PTPRM: variants seen among roughly 807,000 people sequenced by gnomAD.
The protein encoded by PTPRM is receptor-type tyrosine-protein phosphatase mu.
In PTPRM, 47 loss-of-function variants were observed where a neutral mutation model predicts 186.7. That is an observed-to-expected ratio of 0.25 (90% CI 0.20 to 0.32). PTPRM has a LOEUF of 0.32. Ranked by LOEUF, PTPRM falls within the 10% of genes least tolerant of loss-of-function variation. PTPRM has a pLI of 1.00. For missense variants in PTPRM, 1,494 were observed against 1,865.0 expected (o/e 0.80, Z 3.66); for synonymous variants, 668 against 674.9 (o/e 0.99, Z 0.16).
intron 14 of PTPRM, among the ~76,000 whole-genome samples, chr18:8,147,601 T>A (rs1428523807): frequency 6.6e-6 from 1 of 152,186 alleles, no homozygotes; most frequent in Non-Finnish European, 1.5e-5. Flanking sequence ...AAGAGATAAT[T>A]TGACTTCCTC....
At chr18:8,029,573 C>T (rs2085817946) in intron 7 of PTPRM, among the ~76,000 whole-genome samples, 1 of 152,206 alleles carries the variant, frequency 6.6e-6, no homozygotes, top group East Asian at 1.9e-4. Flanking sequence ...CCTCCCACAT[C>T]CCCACTAAGA....
chr18:8,155,592 C>A (rs909860357), intron 14 of PTPRM, among the ~76,000 whole-genome samples: 6 of 152,134 alleles, frequency 3.9e-5, no homozygotes, highest in Non-Finnish European at 8.8e-5. Context: ...GGCACCCATT[C>A]TATTATATTT....
chr18:7,719,180 T>C (rs990639587), intron 1 of PTPRM, among the ~76,000 whole-genome samples: 2 of 152,134 alleles, frequency 1.3e-5, no homozygotes, highest in Non-Finnish European at 2.9e-5. Context: ...ATAAAGAAAA[T>C]GTGCTATGTA....
At chr18:8,272,212 A>G (rs2094780992) in intron 19 of PTPRM, among the ~76,000 whole-genome samples, 1 of 151,122 alleles carries the variant, frequency 6.6e-6, no homozygotes, top group Non-Finnish European at 1.5e-5. Context: ...CCTCAATAAA[A>G]AAAAAAAAAA....
At chr18:7,772,169 G>T (rs1021663494) in intron 1 of PTPRM, among the ~76,000 whole-genome samples, 5 of 152,194 alleles carry the variant, frequency 3.3e-5, no homozygotes, top group African/African-American at 1.2e-4. Flanking sequence ...TTTGCCTGTT[G>T]CCTGGAGAAG....
At chr18:8,375,111 A>G (rs575792971) in intron 24 of PTPRM, among the ~76,000 whole-genome samples, 1 of 152,356 alleles carries the variant, frequency 6.6e-6, no homozygotes, top group Non-Finnish European at 1.5e-5. Flanking sequence ...TTAGAAAACA[A>G]AATTGACAGG....
chr18:7,766,764 C>G (rs1412227957), intron 1 of PTPRM, among the ~76,000 whole-genome samples: 1 of 152,126 alleles, frequency 6.6e-6, no homozygotes, highest in Non-Finnish European at 1.5e-5. Context: ...ACCTTCTTGC[C>G]CACTAGTACA....
intron 7 of PTPRM, among the ~76,000 whole-genome samples, chr18:8,057,187 G>T (rs183972532): frequency 6.6e-6 from 1 of 150,976 alleles, no homozygotes; most frequent in African/African-American, 2.4e-5. Flanking sequence ...AAGTAGGAAG[G>T]TGGCAAAATT....
intron 1 of PTPRM, chr18:7,751,246 C>A: frequency 6.6e-6 from 1 of 152,522 alleles, no homozygotes; most frequent in Non-Finnish European, 1.5e-5. Context: ...GTGAAACTGA[C>A]ATTTCTGCCT....
chr18:7,789,342 G>GATT lies in PTPRM; in HGVS notation c.196+15079_196+15081dup, dbSNP rs372488112. ...CCTGTCTTTAAATGATGATGATGATGATTATTATTAATATTGTCTTGGAGG... is the reference window on the plus strand; with the variant it reads ...CCTGTCTTTAAATGATGATGATGATGATTATTATTATTAATATTGTCTTGGAGG... On this transcript the variant is annotated intron_variant, in intron 2 of 32. Transcript: ENST00000580170. Among the ~76,000 whole-genome samples the GATT allele has an allele frequency of 5.3e-4, 81 of 151,932 alleles. 1 individual carries two copies. Among genetic ancestry groups the GATT allele is most frequent in the African/African-American group, 1.8e-3 (76 of 41,396 alleles).
chr18:7,948,167 A>G (rs888904104), intron 5 of PTPRM, among the ~76,000 whole-genome samples: 10 of 151,264 alleles, frequency 6.6e-5, no homozygotes, highest in Admixed American at 6.6e-5. Flanking sequence ...ACACACACAC[A>G]CACACACACA....
chr18:7,575,103 A>T (rs2036656799), intron 1 of PTPRM, among the ~76,000 whole-genome samples: 1 of 152,232 alleles, frequency 6.6e-6, no homozygotes, highest in South Asian at 2.1e-4. Context: ...GTATCCTAAA[A>T]TTGAGCCTAA....
intron 14 of PTPRM, among the ~76,000 whole-genome samples, chr18:8,204,203 T>G (rs767573675): frequency 1.1e-4 from 17 of 152,234 alleles, no homozygotes; most frequent in African/African-American, 3.1e-4. Flanking sequence ...ACACCTCTTC[T>G]GCTTGCAGTT....
At chr18:8,215,524 T>C (rs187785093) in intron 14 of PTPRM, among the ~76,000 whole-genome samples, 175 of 151,048 alleles carry the variant, frequency 1.2e-3, no homozygotes, top group African/African-American at 4.0e-3. Context: ...TAGTGCTTTT[T>C]TTTCTTTCTT....
chr18:7,601,955 T>C lies in PTPRM; in HGVS notation c.73+34064T>C, dbSNP rs1156814209. On this transcript the variant is annotated intron_variant, in intron 1 of 32. Coordinates refer to ENST00000580170, the MANE Select transcript of PTPRM (RefSeq NM_001105244.2). Reference sequence around the variant, plus strand: ...AATAACTACAGAAACAGTATATAGTTCCTTGAGCCCCTAGGCATGCTAGGC... The same window carrying C: ...AATAACTACAGAAACAGTATATAGTCCCTTGAGCCCCTAGGCATGCTAGGC... 2.0e-5 allele frequency among the ~76,000 whole-genome samples: 3 copies of C among 152,120 alleles called. No individual in the cohort carries two copies. In the East Asian group the frequency reaches 5.8e-4, roughly 29 times the overall value.
chr18:8,056,025 C>T (rs965089056), intron 7 of PTPRM, among the ~76,000 whole-genome samples: 1 of 152,040 alleles, frequency 6.6e-6, no homozygotes, highest in South Asian at 2.1e-4. Context: ...TGTCTTATAC[C>T]GGATCTAGTT....
At chr18:7,587,224 G>A (rs1210019967) in intron 1 of PTPRM, among the ~76,000 whole-genome samples, 3 of 152,086 alleles carry the variant, frequency 2.0e-5, no homozygotes, top group Non-Finnish European at 2.9e-5. Context: ...CTGGGCTTTC[G>A]ATGAAATAGT....
rs1345519818 is a variant in PTPRM, at chr18:8,126,023, A to ATTTTTTT, written c.2167+11197_2167+11198insTTTTTTT. Among the ~76,000 whole-genome samples the ATTTTTTT allele has an allele frequency of 7.7e-3, 354 of 45,962 alleles. 25 individuals carry two copies. The highest frequency in any genetic ancestry group is 0.024 in the Admixed American group (67 of 2,844). The allele number at this position is 45,962 out of a possible 152,430, so 30.2% of individuals were successfully genotyped here. On this transcript the variant is annotated intron_variant, in intron 13 of 32. Transcript: ENST00000580170. Reference sequence around the variant, plus strand: ...TATATATATATATATATATATATATATATATTTTAAATCAGTAGACCTTTC... The same window carrying ATTTTTTT: ...TATATATATATATATATATATATATATTTTTTTTATATTTTAAATCAGTAGACCTTTC...
At chr18:7,986,741 T>C (rs550648864) in intron 7 of PTPRM, among the ~76,000 whole-genome samples, 12 of 152,312 alleles carry the variant, frequency 7.9e-5, no homozygotes, top group African/African-American at 2.9e-4. Flanking sequence ...GAGTTGGTGT[T>C]TTGGACTGAA....
Sources: allele counts gnomAD v4.1 joint callset (sites outside exome capture counted in the v4.1 genomes callset), GRCh38; gene constraint gnomAD v4.1.1; transcripts MANE v1.5; gene names NCBI Gene and HGNC (gene_info 2026-07-23, HGNC 2026-07-21).